PARN: variants seen among roughly 807,000 people sequenced by gnomAD.
PARN encodes poly(A)-specific ribonuclease.
In PARN, 71 loss-of-function variants were observed where a neutral mutation model predicts 102.8. The ratio of observed to expected loss-of-function variants is 0.69; its 90% confidence interval spans 0.57 to 0.84. The LOEUF is 0.84. Among genes scored for constraint, PARN ranks in the 40% least tolerant of loss-of-function variants. PARN has a pLI of 0.00. For missense variants in PARN, 782 were observed against 760.9 expected, an observed-to-expected ratio of 1.03 and a Z score of -0.33; for synonymous variants, 261 against 252.9, an observed-to-expected ratio of 1.03 and a Z score of -0.30.
chr16:14,630,219 G>C lies in PARN; in HGVS notation c.-94C>G. 1 of 1,146,392 alleles carries C rather than the reference G, an allele frequency of 8.7e-7. No homozygotes were observed. The highest frequency in any genetic ancestry group is 1.3e-6 in the Non-Finnish European group (1 of 796,756). 71.0% of individuals were successfully genotyped at this position (1,146,392 alleles called of 1,614,324 possible). A position where few individuals can be genotyped will look rare whatever the true frequency, so the allele number is the denominator to read the frequency against. Reference sequence around the variant, plus strand: ...TTCCGCGGCGACTGCGGCAGTAGCTGAGGCAGCCGCAGCGGTGACGCCGGC... The same window carrying C: ...TTCCGCGGCGACTGCGGCAGTAGCTCAGGCAGCCGCAGCGGTGACGCCGGC... On this transcript the variant is annotated 5_prime_UTR_variant, in exon 1 of 24. Coordinates refer to ENST00000437198, the MANE Select transcript of PARN (RefSeq NM_002582.4).
chr16:14,515,708 G>A (rs1295111610), intron 21 of PARN, among the ~76,000 whole-genome samples: 2 of 152,130 alleles, frequency 1.3e-5, no homozygotes, highest in African/African-American at 4.8e-5. Flanking sequence ...GGCTGAGGCA[G>A]GGGGATTATT....
chr16:14,587,649 C>A (rs1969943241), intron 13 of PARN, among the ~76,000 whole-genome samples: 1 of 152,132 alleles, frequency 6.6e-6, no homozygotes, highest in South Asian at 2.1e-4. Flanking sequence ...ATTTATTAGG[C>A]TTTCTAATTT....
chr16:14,511,173 A>G (rs1965169555), intron 21 of PARN, among the ~76,000 whole-genome samples: 1 of 152,210 alleles, frequency 6.6e-6, no homozygotes, highest in Non-Finnish European at 1.5e-5. Flanking sequence ...TAAAAATTAA[A>G]AACTCACTGC....
chr16:14,599,929 C>G lies in PARN; in HGVS notation c.815G>C (p.Arg272Thr). ...EELNDAVGFS[R>T]VIHAIANSGK... ...CGAATTAGCAATGGCGTGAATGACTCTAGAAAATCCCACAGCATCATTCAG... is the reference window on the plus strand; with the variant it reads ...CGAATTAGCAATGGCGTGAATGACTGTAGAAAATCCCACAGCATCATTCAG... The change falls in exon 12 of 24, where the codon AGA becomes ACA. Residue 272 changes from arginine to threonine, a missense_variant. Physicochemically the swap from Arg to Thr is moderately conservative, Grantham distance 71 (BLOSUM62 -1). Transcript: ENST00000437198. The G allele has an allele frequency of 6.2e-7, 1 of 1,603,224 alleles. No individual in the cohort carries two copies.
rs563720316 is a variant in PARN at position 14,552,285 on chromosome 16, C to T, written c.1406-190G>A. ...CAAAGGCTACCACAGCAGTTATTTA[C>T]GTTAAAACTTCAAGAGAAGAGACAA... is the stretch of plus-strand genomic sequence containing the variant. On this transcript the variant is annotated intron_variant, in intron 20 of 23. Coordinates refer to ENST00000437198, the MANE Select transcript of PARN (RefSeq NM_002582.4). Among the ~76,000 whole-genome samples the T allele has an allele frequency of 3.9e-5, 6 of 152,194 alleles. No homozygotes were observed. The East Asian group carries it at 5.8e-4, about 15-fold the overall frequency.
intron 18 of PARN, among the ~76,000 whole-genome samples, chr16:14,577,861 T>A (rs1452785573): frequency 4.0e-5 from 6 of 150,706 alleles, no homozygotes. Context: ...AGAGACAGGG[T>A]TTCGCCATGT....
At chr16:14,547,338 G>A (rs944344180) in intron 21 of PARN, among the ~76,000 whole-genome samples, 1 of 152,064 alleles carries the variant, frequency 6.6e-6, no homozygotes, top group South Asian at 2.1e-4. Context: ...AACAGAAACC[G>A]AATGGCACTC....
At chr16:14,534,766 G>A (rs1445345651) in intron 21 of PARN, among the ~76,000 whole-genome samples, 2 of 152,090 alleles carry the variant, frequency 1.3e-5, no homozygotes, top group Non-Finnish European at 2.9e-5. Context: ...CACTTCACAA[G>A]CGGAAAGGAT....
chr16:14,603,121 G>A (rs143549700), intron 11 of PARN, among the ~76,000 whole-genome samples: 3 of 151,958 alleles, frequency 2.0e-5, no homozygotes, highest in East Asian at 1.9e-4. Flanking sequence ...ATGGGGTTTC[G>A]CTATGTTGCT....
At chr16:14,596,943 C>T (rs553469800) in intron 12 of PARN, among the ~76,000 whole-genome samples, 5 of 151,988 alleles carry the variant, frequency 3.3e-5, no homozygotes, top group Admixed American at 6.6e-5. Context: ...TGTGCCACCA[C>T]GCTCAGCTAA....
At chr16:14,585,376 T>G (rs1388760467) in intron 14 of PARN, among the ~76,000 whole-genome samples, 2 of 151,310 alleles carry the variant, frequency 1.3e-5, no homozygotes, top group East Asian at 3.8e-4. Context: ...TTTTTTTTTT[T>G]TTTTTTTTCA....
At chr16:14,455,464 G>T (rs549966864) in intron 22 of PARN, among the ~76,000 whole-genome samples, 1 of 152,006 alleles carries the variant, frequency 6.6e-6, no homozygotes, top group Non-Finnish European at 1.5e-5. Context: ...ACAAAGAACC[G>T]TAGCCTACAT....
chr16:14,532,013 T>TGATCGC (rs1966363848), intron 21 of PARN, among the ~76,000 whole-genome samples: 1 of 152,008 alleles, frequency 6.6e-6, no homozygotes, highest in Non-Finnish European at 1.5e-5. Flanking sequence ...CAGTGAGCTA[T>TGATCGC]GATCGCACTG....
chr16:14,570,674 A>G (rs1022986312), intron 18 of PARN, among the ~76,000 whole-genome samples: 2 of 150,768 alleles, frequency 1.3e-5, no homozygotes, highest in African/African-American at 2.4e-5. Context: ...AGAAAAGAAA[A>G]AGAAAAAAGA....
At chr16:14,560,446 A>G (rs1226283028) in intron 18 of PARN, among the ~76,000 whole-genome samples, 1 of 152,218 alleles carries the variant, frequency 6.6e-6, no homozygotes, top group East Asian at 1.9e-4. Context: ...CTTATTCTCT[A>G]AAGGACTGAC....
chr16:14,547,656 G>T (rs1967036917), intron 21 of PARN, among the ~76,000 whole-genome samples: 1 of 152,060 alleles, frequency 6.6e-6, no homozygotes, highest in South Asian at 2.1e-4. Flanking sequence ...GCTGCAGTGA[G>T]TTATAATCAT....
At chr16:14,592,693 A>G (rs1970269356) in intron 13 of PARN, among the ~76,000 whole-genome samples, 1 of 152,182 alleles carries the variant, frequency 6.6e-6, no homozygotes, top group South Asian at 2.1e-4. Flanking sequence ...TGGCCCTGCT[A>G]TGTCTAATTG....
chr16:14,580,821 G>T, intron 18 of PARN, 53 bp downstream of exon 18: 1 of 1,027,028 alleles, frequency 9.7e-7, no homozygotes, highest in Admixed American at 1.8e-5. Flanking sequence ...CCCAAGATAT[G>T]AGGCTGTTCC....
At chr16:14,578,843 G>A (rs1457864135) in intron 18 of PARN, among the ~76,000 whole-genome samples, 1 of 152,026 alleles carries the variant, frequency 6.6e-6, no homozygotes, top group Non-Finnish European at 1.5e-5. Flanking sequence ...ATGCATCTAG[G>A]TTTTACAAAA....
Sources: gnomAD v4.1 joint callset for allele counts (sites outside exome capture counted in the v4.1 genomes callset) on GRCh38, gnomAD v4.1.1 for gene constraint, MANE v1.5 for transcripts, NCBI Gene and HGNC (gene_info 2026-07-23, HGNC 2026-07-21) for gene names.